BICRAL: variants seen among roughly 807,000 people sequenced by gnomAD.
The protein encoded by BICRAL is BRD4-interacting chromatin-remodeling complex-associated protein-like.
A neutral mutation model predicts 91.8 loss-of-function variants in BICRAL; 8 were observed. That is an observed-to-expected ratio of 0.09 (90% CI 0.05 to 0.16). The LOEUF (loss-of-function observed/expected upper bound fraction) is 0.16, where lower values mean the gene tolerates loss of function less well. Ranked by LOEUF, BICRAL falls within the 10% of genes least tolerant of loss-of-function variation. The pLI, the probability that BICRAL is intolerant of heterozygous loss-of-function variation, is 1.00. For synonymous variants in BICRAL, 445 were observed against 491.1 expected (o/e 0.91, Z 1.24); for missense variants, 1,038 against 1,310.9 (o/e 0.79, Z 3.21).
At chr6:42,767,712 A>T (rs531126348) in intron 1 of BICRAL, among the ~76,000 whole-genome samples, 1 of 152,368 alleles carries the variant, frequency 6.6e-6, no homozygotes, top group East Asian at 1.9e-4. Context: ...CCAGGGACAG[A>T]CAGGACAAGT....
chr6:42,850,922 G>A (rs151242670), intron 6 of BICRAL, among the ~76,000 whole-genome samples: 2,014 of 152,142 alleles, frequency 0.013, 12 homozygotes, highest in Non-Finnish European at 0.02. Context: ...TGGGTGTGGT[G>A]GCTCATGCCT....
intron 1 of BICRAL, among the ~76,000 whole-genome samples, chr6:42,784,429 A>AC (rs1043220581): frequency 1.3e-5 from 2 of 152,214 alleles, no homozygotes; most frequent in African/African-American, 4.8e-5. Flanking sequence ...GAAAAATAAC[A>AC]CCGTGGTGCC....
At chr6:42,862,727 T>C (rs1765591946) in intron 12 of BICRAL, 115 bp downstream of exon 12, 1 of 709,068 alleles carries the variant, frequency 1.4e-6, no homozygotes, top group Admixed American at 2.1e-5. Context: ...GAACGTGAAT[T>C]CTGGGGAGAG....
intron 7 of BICRAL, among the ~76,000 whole-genome samples, chr6:42,852,998 G>A (rs889318119): frequency 1.3e-5 from 2 of 149,680 alleles, no homozygotes; most frequent in South Asian, 2.1e-4. Context: ...CTGGGAGGTC[G>A]AGGCTGCAGT....
At chr6:42,785,476 A>G (rs565256896) in intron 1 of BICRAL, among the ~76,000 whole-genome samples, 3 of 151,084 alleles carry the variant, frequency 2.0e-5, no homozygotes, top group Admixed American at 2.0e-4. Flanking sequence ...CGAGAGAATC[A>G]CTTGAACTGG....
chr6:42,853,805 A>G (rs1218373582), intron 8 of BICRAL, 67 bp downstream of exon 8: 17 of 1,182,606 alleles, frequency 1.4e-5, no homozygotes, highest in Non-Finnish European at 2.1e-5. Context: ...TAGTCGTGCT[A>G]TCTTTGTGGT....
chr6:42,864,048 T>TC (rs1018707506), intron 12 of BICRAL, among the ~76,000 whole-genome samples: 2 of 151,718 alleles, frequency 1.3e-5, no homozygotes, highest in African/African-American at 4.8e-5. Context: ...ATGCCTGTAA[T>TC]CCCAGCTACT....
At chr6:42,759,933 C>G (rs950961342) in intron 1 of BICRAL, among the ~76,000 whole-genome samples, 7 of 152,078 alleles carry the variant, frequency 4.6e-5, no homozygotes, top group Non-Finnish European at 1.0e-4. Flanking sequence ...AGGAGGTACA[C>G]AGTAAGTGCT....
At chr6:42,822,251 T>C (rs1764157665) in intron 3 of BICRAL, among the ~76,000 whole-genome samples, 188 bp downstream of exon 3, 2 of 151,914 alleles carry the variant, frequency 1.3e-5, no homozygotes, top group South Asian at 4.1e-4. Flanking sequence ...TTTTTTTTTT[T>C]TCCTTTTGAG....
chr6:42,850,639 A>G (rs183818359), intron 6 of BICRAL, among the ~76,000 whole-genome samples: 5 of 152,202 alleles, frequency 3.3e-5, no homozygotes, highest in Non-Finnish European at 7.4e-5. Flanking sequence ...TAATCCCAGC[A>G]TTTTGGGAGG....
rs201463287 is a variant in BICRAL, at chr6:42,826,219, GA to G, written c.160-2271del. 7.4e-3 allele frequency among the ~76,000 whole-genome samples: 1,012 copies of G among 136,976 alleles called. 5 individuals carry two copies. Among genetic ancestry groups the G allele is most frequent in the African/African-American group, 0.022 (885 of 39,998 alleles). The allele number at this position is 136,976 out of a possible 152,430, so 89.9% of individuals were successfully genotyped here. A position where few individuals can be genotyped will look rare whatever the true frequency, so the allele number is the denominator to read the frequency against. ...TTCTAACCCAGGCCACCAGGCTCTGGAAACTCATGTTCTTTTTTTTTTTTTT... is the reference window on the plus strand; with the variant it reads ...TTCTAACCCAGGCCACCAGGCTCTGGAACTCATGTTCTTTTTTTTTTTTTT... On this transcript the variant is annotated intron_variant, in intron 5 of 12. Transcript: ENST00000314073.
chr6:42,857,614 A>AAAATAT, intron 10 of BICRAL, among the ~76,000 whole-genome samples: 21 of 96,224 alleles, frequency 2.2e-4, no homozygotes, highest in African/African-American at 1.1e-3. Flanking sequence ...AAAAAAAAAA[A>AAAATAT]ATATATATAT....
chr6:42,796,856 G>A (rs1206829480), intron 1 of BICRAL, among the ~76,000 whole-genome samples: 1 of 152,064 alleles, frequency 6.6e-6, no homozygotes, highest in Non-Finnish European at 1.5e-5. Context: ...AGACCAGCCT[G>A]ACCAACATGG....
chr6:42,793,706 A>G (rs1763341489), intron 1 of BICRAL, among the ~76,000 whole-genome samples: 1 of 151,830 alleles, frequency 6.6e-6, no homozygotes, highest in South Asian at 2.1e-4. Flanking sequence ...ACACAACATG[A>G]AGGTTTACAA....
chr6:42,768,147 A>G (rs967044085), intron 1 of BICRAL, among the ~76,000 whole-genome samples: 2 of 152,202 alleles, frequency 1.3e-5, no homozygotes, highest in Non-Finnish European at 2.9e-5. Context: ...GGCTTGACTG[A>G]GAGCAGTGGA....
chr6:42,860,352 C>T lies in BICRAL; in HGVS notation c.2345C>T (p.Ala782Val). 1 of 1,590,900 alleles carries T rather than the reference C, an allele frequency of 6.3e-7. No homozygotes were observed. ...TACAGATGCCTGCTCCTAGAAGATG[C>T]CATGGTAAAAGTCATGCTACTGATA... The part of the protein sequence containing the change: ...NKYRCLLLED[A>V]MRINPSAEMV... The change falls in exon 11 of 13, where the codon GCC (alanine) becomes GTC (valine). Residue 782 changes from alanine to valine, a missense_variant. Ala to Val is a moderately conservative substitution (Grantham distance 64, BLOSUM62 0). Around this residue, in one of 5 missense-constraint regions of BICRAL, gnomAD observed 294 missense variants for 292.6 expected, o/e 1.00. Transcript: ENST00000314073.
chr6:42,857,705 G>A (rs974048622), intron 10 of BICRAL, among the ~76,000 whole-genome samples: 2 of 146,090 alleles, frequency 1.4e-5, no homozygotes, highest in African/African-American at 5.1e-5. Flanking sequence ...CCAAAGCTTT[G>A]TATGGACTGC....
intron 8 of BICRAL, among the ~76,000 whole-genome samples, chr6:42,854,597 A>G (rs1765287609): frequency 6.6e-6 from 1 of 152,102 alleles, no homozygotes; most frequent in East Asian, 1.9e-4. Context: ...AGCTCACTGA[A>G]GCCTCGATCA....
At chr6:42,819,961 T>C (rs938353191) in intron 2 of BICRAL, among the ~76,000 whole-genome samples, 1 of 152,204 alleles carries the variant, frequency 6.6e-6, no homozygotes, top group African/African-American at 2.4e-5. Context: ...CTGTTTTGTT[T>C]GGTAGAGAAG....
Sources: gnomAD v4.1 joint callset for allele counts (sites outside exome capture counted in the v4.1 genomes callset) on GRCh38, gnomAD v4.1.1 for gene constraint, gnomAD v4.1.1 regional missense constraint, MANE v1.5 for transcripts, NCBI Gene and HGNC (gene_info 2026-07-23, HGNC 2026-07-21) for gene names.